Variants in NEDD9 observed in about 807,000 individuals in gnomAD.
NEDD9 encodes the protein neural precursor cell expressed, developmentally down-regulated 9, also known as enhancer of filamentation 1.
Under a neutral mutation model 76.6 loss-of-function variants are expected in NEDD9, and 26 were observed. The observed-to-expected ratio is 0.34, with a 90% confidence interval of 0.25 to 0.47. NEDD9 has a LOEUF of 0.47. Among genes scored for constraint, NEDD9 ranks in the 20% least tolerant of loss-of-function variants. The pLI, the probability that NEDD9 is intolerant of heterozygous loss-of-function variation, is 1.00. For synonymous variants in NEDD9, 392 were observed against 414.2 expected, an observed-to-expected ratio of 0.95 and a Z score of 0.65; for missense variants, 937 against 1,058.5, an observed-to-expected ratio of 0.89 and a Z score of 1.59.
rs545236631 is a variant in NEDD9, at chr6:11,348,042, T to C, written c.-213-13481A>G. Among the ~76,000 whole-genome samples, 4 of 152,296 alleles carry C rather than the reference T, an allele frequency of 2.6e-5. No individual in the cohort carries two copies. In the East Asian group the frequency reaches 5.8e-4, roughly 22 times the overall value. ...ATGATCCTATAGCTAGAAAACCCCA[T>C]AGTCTCTGCCCAAACACTCCTTGAG... On this transcript the variant is annotated intron_variant, in intron 1 of 3. Coordinates refer to the NEDD9 transcript ENST00000397378.
chr6:11,186,826 C>T (rs994128575), intron 6 of NEDD9, among the ~76,000 whole-genome samples: 1 of 152,266 alleles, frequency 6.6e-6, no homozygotes, highest in East Asian at 1.9e-4. Context: ...TTGTGTTAGC[C>T]AGGATGGTCT....
At chr6:11,269,046 C>G (rs11965015) in intron 3 of NEDD9, among the ~76,000 whole-genome samples, 1 of 152,140 alleles carries the variant, frequency 6.6e-6, no homozygotes, top group African/African-American at 2.4e-5. Flanking sequence ...AAAACCCAAA[C>G]GTTTGAGGTT....
intron 1 of NEDD9, among the ~76,000 whole-genome samples, chr6:11,365,883 C>T (rs184120946): frequency 5.9e-5 from 9 of 152,094 alleles, no homozygotes; most frequent in African/African-American, 1.9e-4. Flanking sequence ...CCCAACTACT[C>T]GGGGGGCTGA....
At chr6:11,301,136 G>C (rs9461628) in intron 3 of NEDD9, among the ~76,000 whole-genome samples, 6,458 of 152,220 alleles carry the variant, frequency 0.042, 454 homozygotes, top group African/African-American at 0.15. Context: ...CATGTGCAAA[G>C]ACGCACATAG....
intron 3 of NEDD9, among the ~76,000 whole-genome samples, chr6:11,243,368 CAGCTGATAAAAA>C (rs1759745485): frequency 6.6e-6 from 1 of 152,188 alleles, no homozygotes; most frequent in Non-Finnish European, 1.5e-5. Flanking sequence ...TAATTGAATT[CAGCTGATAAAAA>C]ATCACTCTTG....
intron 1 of NEDD9, among the ~76,000 whole-genome samples, chr6:11,348,682 T>C (rs1311259832): frequency 1.3e-5 from 2 of 151,816 alleles, no homozygotes; most frequent in Non-Finnish European, 2.9e-5. Context: ...GGGAAAGGAG[T>C]CCTGTTCAAT....
chr6:11,332,921 A>AGTC (rs1762075115), intron 2 of NEDD9, among the ~76,000 whole-genome samples: 1 of 152,200 alleles, frequency 6.6e-6, no homozygotes, highest in Admixed American at 6.5e-5. Flanking sequence ...AGCGGTTAAT[A>AGTC]GTCCCCCTTA....
chr6:11,245,689 G>A (rs1037615787), intron 3 of NEDD9, among the ~76,000 whole-genome samples: 1 of 152,172 alleles, frequency 6.6e-6, no homozygotes, highest in African/African-American at 2.4e-5. Context: ...AAATCATCTG[G>A]TTCTAATTTA....
intron 3 of NEDD9, among the ~76,000 whole-genome samples, chr6:11,286,480 G>A (rs1760651874): frequency 6.6e-6 from 1 of 152,142 alleles, no homozygotes; most frequent in Non-Finnish European, 1.5e-5. Flanking sequence ...TTTTATCCAA[G>A]AGAAAAGAAA....
At chr6:11,199,772 TG>T (rs1462355478) in intron 2 of NEDD9, 1 of 148,020 alleles carries the variant, frequency 6.8e-6, no homozygotes, top group Non-Finnish European at 1.5e-5. Flanking sequence ...GCCATTCTCC[TG>T]CCTCAGCCTT....
At chr6:11,314,789 C>T (rs1423828412) in intron 2 of NEDD9, among the ~76,000 whole-genome samples, 2 of 152,216 alleles carry the variant, frequency 1.3e-5, no homozygotes, top group African/African-American at 4.8e-5. Flanking sequence ...CTGGGCTCGA[C>T]TCTCAGGTGT....
chr6:11,191,593 G>T (rs557452182), intron 4 of NEDD9, among the ~76,000 whole-genome samples: 2 of 152,118 alleles, frequency 1.3e-5, no homozygotes, highest in African/African-American at 4.8e-5. Context: ...CTGCATAGGC[G>T]TCTGAAACAC....
chr6:11,221,963 C>A (rs1759158001), intron 1 of NEDD9, among the ~76,000 whole-genome samples: 2 of 152,192 alleles, frequency 1.3e-5, no homozygotes, highest in African/African-American at 4.8e-5. Context: ...ATCCCTCTAA[C>A]ATCCAGGTAC....
At chr6:11,352,350 C>T (rs542088891) in intron 1 of NEDD9, 15 of 152,306 alleles carry the variant, frequency 9.8e-5, no homozygotes, top group Non-Finnish European at 5.9e-5. Context: ...TGATCCAACT[C>T]AGACATTTGC....
intron 2 of NEDD9, among the ~76,000 whole-genome samples, chr6:11,334,276 AG>A (rs1762104686): frequency 6.6e-6 from 1 of 152,236 alleles, no homozygotes; most frequent in Non-Finnish European, 1.5e-5. Context: ...TGAGTAATTA[AG>A]GGGCGATTTT....
chr6:11,236,468 C>T (rs1476018703), upstream of NEDD9, among the ~76,000 whole-genome samples: 1 of 152,224 alleles, frequency 6.6e-6, no homozygotes, highest in Non-Finnish European at 1.5e-5. This position sits in a 1 kb window ranked among gnomAD's most constrained non-coding sequence, Gnocchi z 5.5. Flanking sequence ...CTGTTGACAA[C>T]TTGGAATGAA....
intron 2 of NEDD9, among the ~76,000 whole-genome samples, chr6:11,314,035 T>C (rs1582019984): frequency 1.3e-5 from 2 of 152,308 alleles, no homozygotes; most frequent in African/African-American, 2.4e-5. Context: ...TAAAGGAACT[T>C]GTTATAGGAC....
At chr6:11,188,839 T>C (rs1015958939) in intron 5 of NEDD9, among the ~76,000 whole-genome samples, 2 of 152,218 alleles carry the variant, frequency 1.3e-5, no homozygotes, top group Admixed American at 1.3e-4. Flanking sequence ...TTGAGGGAAT[T>C]TGGCATAATA....
At chr6:11,358,352 C>T (rs770914552) in intron 1 of NEDD9, among the ~76,000 whole-genome samples, 1 of 151,114 alleles carries the variant, frequency 6.6e-6, no homozygotes, top group East Asian at 2.0e-4. Context: ...GCTGCAGAAA[C>T]GCCTGCCAGT....
Sources: allele counts gnomAD v4.1 joint callset (sites outside exome capture counted in the v4.1 genomes callset), GRCh38; gene constraint gnomAD v4.1.1; non-coding constraint Gnocchi (gnomAD v3.1); transcripts MANE v1.5; gene names NCBI Gene and HGNC (gene_info 2026-07-23, HGNC 2026-07-21).